SNTB2: variants seen among roughly 807,000 people sequenced by gnomAD.
The protein encoded by SNTB2 is syntrophin beta 2, also known as beta-2-syntrophin.
In SNTB2, 34 loss-of-function variants were observed where a neutral mutation model predicts 46.2. The observed-to-expected ratio is 0.74, with a 90% CI of 0.56 to 0.98. The LOEUF is 0.98. SNTB2 is among the 50% of genes least tolerant of loss of function. SNTB2 has a pLI of 0.00. For synonymous variants in SNTB2, 290 were observed against 312.6 expected (o/e 0.93, Z 0.76); for missense variants, 603 against 731.4 (o/e 0.82, Z 2.02).
At chr16:69,229,960 A>AT (rs996225440) in intron 1 of SNTB2, among the ~76,000 whole-genome samples, 8 of 151,216 alleles carry the variant, frequency 5.3e-5, no homozygotes, top group Admixed American at 4.6e-4. Context: ...CTAATTTTAA[A>AT]TTTTTTTGTA....
intron 1 of SNTB2, among the ~76,000 whole-genome samples, chr16:69,216,992 G>A (rs1964353177): frequency 1.3e-5 from 2 of 152,048 alleles, no homozygotes; most frequent in Non-Finnish European, 2.9e-5. Flanking sequence ...CTTCTGGAGT[G>A]GGAAGCCTAC....
chr16:69,187,632 G>C lies in SNTB2; in HGVS notation c.466G>C (p.Ala156Pro). The C allele has an allele frequency of 6.4e-7, 1 of 1,555,712 alleles. No individual in the cohort carries two copies. Among genetic ancestry groups the C allele is most frequent in the Admixed American group, 1.9e-5 (1 of 51,738 alleles). ...FPGLAADQSRALRLGDAILSV... is the reference protein window; with the variant it reads ...FPGLAADQSRPLRLGDAILSV... ...CGGGCTGGCTGCCGACCAGAGCCGGGCGCTGCGGCTGGGCGACGCCATCCT... is the reference window on the plus strand; with the variant it reads ...CGGGCTGGCTGCCGACCAGAGCCGGCCGCTGCGGCTGGGCGACGCCATCCT... The change falls in exon 1 of 7, where the codon GCG (alanine) becomes CCG (proline). Residue 156 changes from alanine to proline, a missense_variant. Ala to Pro is a conservative substitution (Grantham distance 27). Coordinates refer to ENST00000336278, the MANE Select transcript of SNTB2 (RefSeq NM_006750.4).
chr16:69,198,894 ATG>A (rs1491301578), intron 1 of SNTB2, among the ~76,000 whole-genome samples: 5 of 145,172 alleles, frequency 3.4e-5, no homozygotes, highest in Non-Finnish European at 7.5e-5. Context: ...GAATATAATA[ATG>A]TTTTTTTTTT....
intron 1 of SNTB2, among the ~76,000 whole-genome samples, chr16:69,222,706 A>G (rs190794656): frequency 2.0e-5 from 3 of 152,316 alleles, no homozygotes; most frequent in African/African-American, 7.2e-5. Flanking sequence ...AAAAGACTAG[A>G]AGGAAAGATA....
intron 5 of SNTB2, among the ~76,000 whole-genome samples, chr16:69,289,110 A>T (rs1197771712): frequency 6.6e-6 from 1 of 151,888 alleles, no homozygotes; most frequent in Non-Finnish European, 1.5e-5. Flanking sequence ...TCTCTACTAA[A>T]AATACAAAAT....
At chr16:69,197,852 T>G (rs1023987996) in intron 1 of SNTB2, among the ~76,000 whole-genome samples, 2 of 152,218 alleles carry the variant, frequency 1.3e-5, no homozygotes, top group Admixed American at 6.5e-5. Flanking sequence ...ACTAGTAGTG[T>G]AGATAATTTT....
chr16:69,198,239 G>C (rs1339234082), intron 1 of SNTB2, among the ~76,000 whole-genome samples: 1 of 151,840 alleles, frequency 6.6e-6, no homozygotes, highest in African/African-American at 2.4e-5. Context: ...CTCCTGAGTA[G>C]CTGGGACTAC....
At chr16:69,273,814 G>A (rs1043535796) in intron 4 of SNTB2, among the ~76,000 whole-genome samples, 1 of 152,138 alleles carries the variant, frequency 6.6e-6, no homozygotes, top group African/African-American at 2.4e-5. Context: ...GCGATAGCAT[G>A]CTACTGAAAC....
At chr16:69,204,983 T>G (rs542767054) in intron 1 of SNTB2, among the ~76,000 whole-genome samples, 1 of 152,284 alleles carries the variant, frequency 6.6e-6, no homozygotes, top group South Asian at 2.1e-4. Flanking sequence ...GATCTTTGTT[T>G]CCCTAATGTT....
intron 2 of SNTB2, 121 bp downstream of exon 2, chr16:69,245,936 A>G: frequency 9.5e-7 from 1 of 1,053,088 alleles, no homozygotes; most frequent in Non-Finnish European, 1.4e-6. Context: ...GAGGTGAGAG[A>G]TGCATTTTTG....
At position 69,245,811 on chromosome 16, in the gene SNTB2, A is replaced by T. The variant is rs565421257; in HGVS notation, c.790A>T (p.Asn264Tyr). 1.2e-6 allele frequency: 2 copies of T among 1,613,980 alleles called. No homozygotes were observed. The highest frequency in any genetic ancestry group is 4.5e-5 in the East Asian group (2 of 44,872). ...AAACCTAAGCATGCCGGATCTGGAA[A>T]ACAGGTGAGGTGTACCTAACAAGAA... ...ARNLSMPDLENRLIELHSPDS... is the reference protein window; with the variant it reads ...ARNLSMPDLEYRLIELHSPDS... Residue 264 changes from asparagine (N) to tyrosine (Y), a missense_variant, in exon 2 of 7, where the codon AAC (asparagine) becomes TAC (tyrosine). Physicochemically the swap from Asn to Tyr is moderately radical, Grantham distance 143. Around this residue, in one of 2 missense-constraint regions of SNTB2, gnomAD observed 537 missense variants for 692.4 expected, o/e 0.78. Transcript: ENST00000336278.
At chr16:69,243,330 C>CA (rs1964636698) in intron 1 of SNTB2, among the ~76,000 whole-genome samples, 1 of 152,134 alleles carries the variant, frequency 6.6e-6, no homozygotes. Context: ...GATGTCCATC[C>CA]ACAGCTCTTC....
At chr16:69,225,690 A>G (rs1434974689) in intron 1 of SNTB2, among the ~76,000 whole-genome samples, 1 of 152,246 alleles carries the variant, frequency 6.6e-6, no homozygotes, top group African/African-American at 2.4e-5. Flanking sequence ...ACTTGAGGAC[A>G]AGATTTGTGT....
At chr16:69,254,048 G>A (rs1964750548) in intron 2 of SNTB2, among the ~76,000 whole-genome samples, 1 of 152,128 alleles carries the variant, frequency 6.6e-6, no homozygotes, top group Admixed American at 6.6e-5. Flanking sequence ...CTTAAAAGAT[G>A]TTATACTGGT....
chr16:69,260,171 G>A lies in SNTB2; in HGVS notation c.916G>A (p.Val306Met). ...CAACATAATGGCTCTCCTCCCACAG[G>A]TGTTGGCTGAACTCAACGCCATGCT... ...HTNIMALLPQ[V>M]LAELNAMLGA... is the part of the protein sequence containing the mutation. The change falls in exon 3 of 7, where the codon GTG becomes ATG. Residue 306 changes from valine to methionine, a missense_variant. Physicochemically the swap from Val to Met is conservative, Grantham distance 21 (BLOSUM62 1). Around this residue, in one of 2 missense-constraint regions of SNTB2, gnomAD observed 537 missense variants for 692.4 expected, o/e 0.78. Transcript: ENST00000336278. 1 of 1,614,120 alleles carries A rather than the reference G, an allele frequency of 6.2e-7. No homozygotes were observed.
rs1440920870 is a variant in SNTB2, at chr16:69,301,184, A to T, written c.*260A>T. The T allele has an allele frequency of 3.0e-6, 1 of 332,144 alleles. No homozygotes were observed. Among genetic ancestry groups the T allele is most frequent in the African/African-American group, 2.1e-5 (1 of 48,380 alleles). The allele number at this position is 332,144 out of a possible 1,614,324, so 20.6% of individuals were successfully genotyped here. The stretch of plus-strand genomic sequence containing the variant: ...CATTTCAAAATATGGTTTATGAGTA[A>T]TTAGGTTTATTTCTACTGCTAAAAA... On this transcript the variant is annotated 3_prime_UTR_variant, in exon 7 of 7. Transcript: ENST00000336278.
chr16:69,250,628 G>T (rs1267336042), intron 2 of SNTB2, among the ~76,000 whole-genome samples: 5 of 152,110 alleles, frequency 3.3e-5, no homozygotes, highest in African/African-American at 9.7e-5. Flanking sequence ...CAGGGCTGGG[G>T]GCTCATGCCT....
intron 2 of SNTB2, among the ~76,000 whole-genome samples, chr16:69,250,890 GAAATAA>G (rs1201600415): frequency 6.6e-6 from 1 of 150,910 alleles, no homozygotes; most frequent in Admixed American, 6.6e-5. Context: ...GTCTCAAAAA[GAAATAA>G]AAATAAAATA....
chr16:69,296,492 G>T (rs1597205301), intron 5 of SNTB2, among the ~76,000 whole-genome samples: 1 of 151,602 alleles, frequency 6.6e-6, no homozygotes, highest in South Asian at 2.1e-4. Flanking sequence ...AGGCCGAGGC[G>T]GGTGGATTAC....
Sources: allele counts gnomAD v4.1 joint callset (sites outside exome capture counted in the v4.1 genomes callset), GRCh38; gene constraint gnomAD v4.1.1; regional missense constraint gnomAD v4.1.1; transcripts MANE v1.5; gene names NCBI Gene and HGNC (gene_info 2026-07-23, HGNC 2026-07-21).